The following ARHGAP15 variants were observed in gnomAD, a reference collection of about 807,000 sequenced individuals.
ARHGAP15 encodes the protein Rho GTPase activating protein 15, also known as rho GTPase-activating protein 15.
A neutral mutation model predicts 63.7 loss-of-function variants in ARHGAP15; 51 were observed. The ratio of observed to expected loss-of-function variants is 0.80; its 90% CI spans 0.64 to 1.01. ARHGAP15 has a LOEUF of 1.01. Ranked by LOEUF, ARHGAP15 falls within the 50% of genes least tolerant of loss-of-function variation. ARHGAP15 has a pLI of 0.00. For synonymous variants in ARHGAP15, 191 were observed against 193.8 expected (o/e 0.99, Z 0.12); for missense variants, 560 against 564.6 (o/e 0.99, Z 0.08).
At chr2:143,586,877 ATCTCAATC>A (rs1032931819) in intron 11 of ARHGAP15, among the ~76,000 whole-genome samples, 23 of 151,328 alleles carry the variant, frequency 1.5e-4, no homozygotes, top group South Asian at 8.4e-4. Context: ...ATTTTACTCA[ATCTCAATC>A]TCTCAATCTC....
At chr2:143,228,494 C>T in intron 4 of ARHGAP15, 87 bp from the exon 5 acceptor site, 1 of 786,900 alleles carries the variant, frequency 1.3e-6, no homozygotes. Flanking sequence ...ATGGTCTCTA[C>T]TCATTCCAAA....
intron 6 of ARHGAP15, among the ~76,000 whole-genome samples, chr2:143,335,313 A>G (rs573165507): frequency 2.0e-5 from 3 of 152,342 alleles, no homozygotes; most frequent in African/African-American, 7.2e-5. Flanking sequence ...TATAATTCCC[A>G]GTATATTTCA....
chr2:143,413,036 G>A (rs905315321), intron 6 of ARHGAP15, among the ~76,000 whole-genome samples: 1 of 151,880 alleles, frequency 6.6e-6, no homozygotes, highest in Admixed American at 6.6e-5. Context: ...TGAAAATATT[G>A]TATCTATATC....
At chr2:143,551,290 C>A (rs1695550699) in intron 10 of ARHGAP15, among the ~76,000 whole-genome samples, 1 of 151,946 alleles carries the variant, frequency 6.6e-6, no homozygotes, top group Non-Finnish European at 1.5e-5. Context: ...TAGCTGGGAC[C>A]ACAGGCATGC....
chr2:143,586,662 G>A (rs1697120374), intron 11 of ARHGAP15, among the ~76,000 whole-genome samples: 2 of 146,500 alleles, frequency 1.4e-5, no homozygotes, highest in Non-Finnish European at 3.0e-5. Flanking sequence ...TCTTTCCATT[G>A]CATAATATGT....
At chr2:143,235,971 G>A (rs746626242) in intron 5 of ARHGAP15, 1 of 1,544,096 alleles carries the variant, frequency 6.5e-7, no homozygotes, top group South Asian at 1.2e-5. Flanking sequence ...TGTTCAGGAG[G>A]CACCTGACCA....
intron 13 of ARHGAP15, among the ~76,000 whole-genome samples, chr2:143,758,843 T>TATCA (rs950780108): frequency 4.6e-5 from 7 of 152,154 alleles, no homozygotes; most frequent in Non-Finnish European, 1.5e-5. Flanking sequence ...GAATGCTGTT[T>TATCA]ATCAAGCCTC....
chr2:143,510,710 A>G (rs907442577), intron 9 of ARHGAP15, among the ~76,000 whole-genome samples: 9 of 152,170 alleles, frequency 5.9e-5, no homozygotes, highest in Admixed American at 5.2e-4. Flanking sequence ...ATACGTCATT[A>G]CCACGATAGT....
chr2:143,343,875 AAAC>A (rs1685162915), intron 6 of ARHGAP15, among the ~76,000 whole-genome samples: 1 of 152,102 alleles, frequency 6.6e-6, no homozygotes, highest in Non-Finnish European at 1.5e-5. Flanking sequence ...TAACTGTCTT[AAAC>A]AGAAGCTTTC....
intron 11 of ARHGAP15, among the ~76,000 whole-genome samples, chr2:143,603,615 T>C (rs772760469): frequency 6.6e-5 from 10 of 152,172 alleles, no homozygotes; most frequent in Non-Finnish European, 1.2e-4. Context: ...TGAAAGGCTG[T>C]AAAAACTCCC....
chr2:143,561,665 G>A (rs1027927664), intron 11 of ARHGAP15, among the ~76,000 whole-genome samples: 1 of 151,630 alleles, frequency 6.6e-6, no homozygotes, highest in Non-Finnish European at 1.5e-5. Flanking sequence ...ACAGGTGCCC[G>A]CCACCAAGCT....
chr2:143,466,546 A>G lies in ARHGAP15; in HGVS notation c.704-20827A>G, dbSNP rs193168398. On this transcript the variant is annotated intron_variant, in intron 8 of 13. Transcript: ENST00000295095. ...CTTTGTCTTCTGGTTTAGTTCTTCA[A>G]GTTCCTGACTCCTAGTCCAATACTC... 1.5e-3 allele frequency among the ~76,000 whole-genome samples: 225 copies of G among 152,174 alleles called. 2 individuals are homozygous for G. Among genetic ancestry groups the G allele is most frequent in the African/African-American group, 5.3e-3 (219 of 41,542 alleles).
chr2:143,263,685 C>G (rs1260544663), intron 6 of ARHGAP15, among the ~76,000 whole-genome samples: 1 of 152,160 alleles, frequency 6.6e-6, no homozygotes, highest in Non-Finnish European at 1.5e-5. Context: ...TATGAATCTT[C>G]TAACATTTCC....
chr2:143,358,878 C>A (rs1685920931), intron 6 of ARHGAP15, among the ~76,000 whole-genome samples: 1 of 150,370 alleles, frequency 6.7e-6, no homozygotes, highest in Non-Finnish European at 1.5e-5. Context: ...TAGCCAAATT[C>A]TAATCATTTA....
chr2:143,178,972 T>C (rs1437236558), intron 2 of ARHGAP15, among the ~76,000 whole-genome samples: 1 of 152,246 alleles, frequency 6.6e-6, no homozygotes, highest in African/African-American at 2.4e-5. Flanking sequence ...AACACTAAAA[T>C]CCTAGAGGTA....
intron 12 of ARHGAP15, among the ~76,000 whole-genome samples, chr2:143,683,993 T>C (rs1010701991): frequency 1.3e-5 from 2 of 152,204 alleles, no homozygotes; most frequent in Non-Finnish European, 2.9e-5. Flanking sequence ...TCTGCATTAT[T>C]TTATTATATT....
At chr2:143,184,295 G>C (rs1691354614) in intron 2 of ARHGAP15, among the ~76,000 whole-genome samples, 1 of 152,138 alleles carries the variant, frequency 6.6e-6, no homozygotes, top group East Asian at 1.9e-4. Flanking sequence ...AGTCAAGAAA[G>C]GGATAGCAAA....
At chr2:143,483,314 C>T (rs1393670747) in intron 8 of ARHGAP15, among the ~76,000 whole-genome samples, 2 of 152,006 alleles carry the variant, frequency 1.3e-5, no homozygotes, top group African/African-American at 2.4e-5. Context: ...ATTTATACGT[C>T]ATGTGTGTAT....
intron 11 of ARHGAP15, among the ~76,000 whole-genome samples, chr2:143,560,868 G>A (rs751455341): frequency 1.3e-4 from 20 of 152,212 alleles, no homozygotes; most frequent in Non-Finnish European, 1.8e-4. Flanking sequence ...CTGTTGGTGC[G>A]TTTGTGAGCA....
Sources: gnomAD v4.1 joint callset for allele counts (sites outside exome capture counted in the v4.1 genomes callset) on GRCh38, gnomAD v4.1.1 for gene constraint, MANE v1.5 for transcripts, NCBI Gene and HGNC (gene_info 2026-07-23, HGNC 2026-07-21) for gene names.